CATSPERE: variants seen among roughly 807,000 people sequenced by gnomAD.
CATSPERE encodes catsper channel auxiliary subunit epsilon.
A neutral mutation model predicts 114.1 loss-of-function variants in CATSPERE; 93 were observed. The observed-to-expected ratio is 0.81, with a 90% confidence interval of 0.69 to 0.97. CATSPERE has a LOEUF of 0.97. CATSPERE is among the 50% of genes least tolerant of loss of function. The probability of loss-of-function intolerance (pLI) is 0.00; values close to 1 mark genes in which losing one functional copy is unlikely to be tolerated. For synonymous variants in CATSPERE, 341 were observed against 384.1 expected (o/e 0.89, Z 1.31); for missense variants, 1,058 against 1,131.6 (o/e 0.93, Z 0.93).
intron 7 of CATSPERE, among the ~76,000 whole-genome samples, chr1:244,499,500 C>CA (rs1175848364): frequency 3.0e-5 from 4 of 131,732 alleles, no homozygotes; most frequent in Non-Finnish European, 6.4e-5. Flanking sequence ...CCTTCCCCCC[C>CA]ACCCCTCGAC....
intron 8 of CATSPERE, among the ~76,000 whole-genome samples, chr1:244,523,119 A>G (rs1460311243): frequency 1.4e-5 from 2 of 147,974 alleles, no homozygotes; most frequent in Admixed American, 1.3e-4. Context: ...CCAGCAGCAC[A>G]TCAAAAAGCT....
At chr1:244,588,138 G>A (rs556429131) in intron 13 of CATSPERE, among the ~76,000 whole-genome samples, 93 of 148,400 alleles carry the variant, frequency 6.3e-4, no homozygotes, top group African/African-American at 2.3e-3. Flanking sequence ...AGGTTGCAGT[G>A]AGCTGAGATC....
chr1:244,603,112 AG>A (rs1669499802), intron 17 of CATSPERE, among the ~76,000 whole-genome samples: 1 of 152,006 alleles, frequency 6.6e-6, no homozygotes, highest in South Asian at 2.1e-4. Flanking sequence ...TGGGGTGATG[AG>A]GGTAGGAGGA....
chr1:244,484,695 A>T (rs1256722012), intron 5 of CATSPERE, among the ~76,000 whole-genome samples: 2 of 152,110 alleles, frequency 1.3e-5, no homozygotes, highest in Admixed American at 1.3e-4. Flanking sequence ...TTTTCAGTCA[A>T]TATTTATTTG....
At chr1:244,494,526 A>G (rs1364087171) in intron 6 of CATSPERE, among the ~76,000 whole-genome samples, 1 of 151,302 alleles carries the variant, frequency 6.6e-6, no homozygotes, top group African/African-American at 2.4e-5. Flanking sequence ...TGGGTGCAGC[A>G]CACCAACATG....
At position 244,640,215 on chromosome 1, in the gene CATSPERE, C is replaced by A; in HGVS notation, c.*134C>A. The stretch of plus-strand genomic sequence containing the variant: ...TAGTAGGCATCACCAAATTCAAGAT[C>A]TGAAAAATATTCTTGAACTATCTCC... On this transcript the variant is annotated 3_prime_UTR_variant, in exon 22 of 22. Transcript: ENST00000366534. 1 of 611,654 alleles carries A rather than the reference C, an allele frequency of 1.6e-6. No homozygotes were observed. Among genetic ancestry groups the A allele is most frequent in the Non-Finnish European group, 2.7e-6 (1 of 369,112 alleles). 37.9% of individuals were successfully genotyped at this position (611,654 alleles called of 1,614,324 possible).
intron 20 of CATSPERE, among the ~76,000 whole-genome samples, chr1:244,629,551 T>TCTCTTATTTCAAG (rs2148742258): frequency 6.7e-6 from 1 of 150,218 alleles, no homozygotes; most frequent in South Asian, 2.1e-4. Context: ...CTTGCTATGT[T>TCTCTTATTTCAAG]GCCCAGCCTG....
At chr1:244,540,128 A>G (rs755376697) in intron 8 of CATSPERE, among the ~76,000 whole-genome samples, 28 of 151,228 alleles carry the variant, frequency 1.9e-4, no homozygotes, top group Non-Finnish European at 2.9e-4. Context: ...CACCACTCCT[A>G]TTCAACATAG....
At position 244,572,466 on chromosome 1, in the gene CATSPERE, TCAAA is replaced by T; in HGVS notation, c.1647_1650del (p.Gln549HisfsTer26). On this transcript the variant is annotated frameshift_variant, in exon 11 of 22. Coordinates refer to ENST00000366534, the MANE Select transcript of CATSPERE (RefSeq NM_001130957.2). LOFTEE classifies it high-confidence loss of function. ...CATTCATTTTCTTAAGTACATCTGG[TCAAA>T]CATATTTCCTGTATGCTTTGGATGA... is the stretch of plus-strand genomic sequence containing the variant. 2 of 1,614,086 alleles carry T rather than the reference TCAAA, an allele frequency of 1.2e-6. No homozygotes were observed. Among genetic ancestry groups the T allele is most frequent in the Non-Finnish European group, 1.7e-6 (2 of 1,179,934 alleles).
At chr1:244,574,967 C>T (rs1233756237) in intron 11 of CATSPERE, among the ~76,000 whole-genome samples, 1 of 151,904 alleles carries the variant, frequency 6.6e-6, no homozygotes, top group African/African-American at 2.4e-5. Flanking sequence ...CTAGTCTTAC[C>T]TTCTGTGTCT....
chr1:244,453,550 TC>T (rs1665827735), upstream of CATSPERE, among the ~76,000 whole-genome samples: 1 of 152,196 alleles, frequency 6.6e-6, no homozygotes, highest in African/African-American at 2.4e-5. Context: ...TACTCGTGGT[TC>T]AGTGGCCCCC....
intron 5 of CATSPERE, among the ~76,000 whole-genome samples, chr1:244,488,639 A>C (rs1386126589): frequency 6.6e-6 from 1 of 152,188 alleles, no homozygotes; most frequent in East Asian, 1.9e-4. Context: ...TATTATCGAC[A>C]AGTATTTCCT....
chr1:244,460,703 C>A (rs988672572), upstream of CATSPERE, among the ~76,000 whole-genome samples: 5 of 152,232 alleles, frequency 3.3e-5, no homozygotes, highest in African/African-American at 1.2e-4. Flanking sequence ...CACTTGAGGT[C>A]AGGAGTTGGA....
chr1:244,606,377 T>C (rs1345603437), intron 18 of CATSPERE, among the ~76,000 whole-genome samples: 1 of 151,848 alleles, frequency 6.6e-6, no homozygotes, highest in Non-Finnish European at 1.5e-5. Context: ...GAGGGCCTCC[T>C]GTCATGATGG....
At chr1:244,473,524 C>A (rs1208483811) in intron 2 of CATSPERE, among the ~76,000 whole-genome samples, 1 of 152,050 alleles carries the variant, frequency 6.6e-6, no homozygotes, top group East Asian at 1.9e-4. Context: ...ATATGAGTAA[C>A]TTTGCAAATA....
chr1:244,482,995 A>G (rs3003309), intron 5 of CATSPERE, among the ~76,000 whole-genome samples: 1 of 151,936 alleles, frequency 6.6e-6, no homozygotes, highest in African/African-American at 2.4e-5. Context: ...TGAGACTTAC[A>G]CATGTTTAAA....
upstream of CATSPERE, among the ~76,000 whole-genome samples, chr1:244,459,832 A>G (rs1666500906): frequency 6.6e-6 from 1 of 152,222 alleles, no homozygotes; most frequent in Non-Finnish European, 1.5e-5. Flanking sequence ...TGTGTTTGCC[A>G]TGCAACTCTT....
intron 6 of CATSPERE, among the ~76,000 whole-genome samples, chr1:244,490,732 G>C (rs1390859563): frequency 3.3e-5 from 5 of 152,012 alleles, no homozygotes; most frequent in African/African-American, 1.2e-4. Context: ...TGAAGGAGCA[G>C]AGATGATTAT....
intron 17 of CATSPERE, among the ~76,000 whole-genome samples, chr1:244,596,713 C>T (rs1668479040): frequency 6.7e-6 from 1 of 150,052 alleles, no homozygotes; most frequent in East Asian, 2.0e-4. Context: ...CACCATGGCA[C>T]ATGTATACCT....
Sources: gnomAD v4.1 joint callset for allele counts (sites outside exome capture counted in the v4.1 genomes callset) on GRCh38, gnomAD v4.1.1 for gene constraint, MANE v1.5 for transcripts, NCBI Gene and HGNC (gene_info 2026-07-23, HGNC 2026-07-21) for gene names.